CDK14: variants seen among roughly 807,000 people sequenced by gnomAD.
The protein encoded by CDK14 is cyclin dependent kinase 14.
CDK14 carries 34 observed loss-of-function variants against 60.7 expected under a neutral mutation model. The observed-to-expected ratio is 0.56, with a 90% CI of 0.43 to 0.75. The LOEUF is 0.75. Among genes scored for constraint, CDK14 ranks in the 30% least tolerant of loss-of-function variants. The pLI is 0.00. For synonymous variants in CDK14, 197 were observed against 203.7 expected (o/e 0.97, Z 0.28); for missense variants, 482 against 564.1 (o/e 0.85, Z 1.47).
chr7:90,749,823 G>A (rs753659310), intron 4 of CDK14, among the ~76,000 whole-genome samples: 4 of 152,152 alleles, frequency 2.6e-5, no homozygotes, highest in Non-Finnish European at 4.4e-5. Flanking sequence ...TGGTGCTTGT[G>A]CCTGCTATCA....
At chr7:90,862,995 C>T (rs545941533) in intron 5 of CDK14, among the ~76,000 whole-genome samples, 180 bp from the exon 6 acceptor site, 2 of 152,262 alleles carry the variant, frequency 1.3e-5, no homozygotes, top group African/African-American at 4.8e-5. Context: ...GCCTGGGCAG[C>T]ATAGTGAGAC....
At chr7:90,718,916 T>G (rs1321061469) in intron 2 of CDK14, among the ~76,000 whole-genome samples, 1 of 152,312 alleles carries the variant, frequency 6.6e-6, no homozygotes, top group East Asian at 1.9e-4. Context: ...CATCTATCCT[T>G]AATAGCTGAA....
chr7:91,114,861 A>G lies in CDK14; in HGVS notation c.1294+2180A>G, dbSNP rs137856407. ...TACTTGTAAACATGTTTACAAAACAAAGAATTCCCAGACTTTGGAGACTTA... is the reference window on the plus strand; with the variant it reads ...TACTTGTAAACATGTTTACAAAACAGAGAATTCCCAGACTTTGGAGACTTA... On this transcript the variant is annotated intron_variant, in intron 13 of 14. Coordinates refer to ENST00000380050, the MANE Select transcript of CDK14 (RefSeq NM_001287135.2). Among the ~76,000 whole-genome samples the G allele has an allele frequency of 6.6e-4, 100 of 152,330 alleles. 1 individual carries two copies. Among genetic ancestry groups the G allele is most frequent in the Admixed American group, 2.2e-3 (34 of 15,294 alleles).
At chr7:91,058,137 G>A (rs1797648034) in intron 11 of CDK14, among the ~76,000 whole-genome samples, 1 of 152,066 alleles carries the variant, frequency 6.6e-6, no homozygotes, top group South Asian at 2.1e-4. Context: ...TTGTAAATTG[G>A]ATTCCTAGAT....
chr7:90,607,376 G>T (rs1799441399), intron 2 of CDK14, among the ~76,000 whole-genome samples: 1 of 152,168 alleles, frequency 6.6e-6, no homozygotes, highest in South Asian at 2.1e-4. Flanking sequence ...GAGCTGGAAG[G>T]CTCCTTATTT....
At chr7:90,603,182 T>C (rs1799351324) in intron 1 of CDK14, among the ~76,000 whole-genome samples, 1 of 152,206 alleles carries the variant, frequency 6.6e-6, no homozygotes, top group African/African-American at 2.4e-5. Context: ...AATTAGCTAT[T>C]TAATGCATTC....
chr7:91,045,783 GAAAA>G, intron 10 of CDK14, 110 bp from the exon 11 acceptor site: 21 of 635,374 alleles, frequency 3.3e-5, no homozygotes, highest in Non-Finnish European at 4.7e-5. Flanking sequence ...TACGATAATG[GAAAA>G]AAAAATACCA....
intron 14 of CDK14, among the ~76,000 whole-genome samples, chr7:91,147,586 T>C (rs1800695720): frequency 6.6e-6 from 1 of 152,230 alleles, no homozygotes; most frequent in Non-Finnish European, 1.5e-5. Flanking sequence ...TGGCGAGACA[T>C]GCCTTCTCTA....
chr7:90,945,338 A>G (rs764358892), intron 8 of CDK14, among the ~76,000 whole-genome samples: 1 of 152,192 alleles, frequency 6.6e-6, no homozygotes, highest in African/African-American at 2.4e-5. Context: ...TGGCTATTGT[A>G]TCAGGATTCT....
intron 3 of CDK14, among the ~76,000 whole-genome samples, chr7:90,741,125 T>TG (rs1803326839): frequency 5.3e-5 from 8 of 152,318 alleles, no homozygotes; most frequent in Admixed American, 5.2e-4. Context: ...TGTCCAGCTG[T>TG]GCAGATTGAG....
At chr7:91,182,432 T>C (rs1349764696) in intron 14 of CDK14, among the ~76,000 whole-genome samples, 1 of 152,036 alleles carries the variant, frequency 6.6e-6, no homozygotes, top group Non-Finnish European at 1.5e-5. Context: ...GTAAAATGTA[T>C]AGTTTCAAAG....
chr7:90,749,533 A>T (rs1803734613), intron 4 of CDK14, among the ~76,000 whole-genome samples: 1 of 152,056 alleles, frequency 6.6e-6, no homozygotes, highest in Non-Finnish European at 1.5e-5. Flanking sequence ...CCTCTGCTCC[A>T]CACCCAGGCA....
chr7:90,851,636 A>G (rs1232835449), intron 5 of CDK14, among the ~76,000 whole-genome samples: 2 of 152,090 alleles, frequency 1.3e-5, no homozygotes, highest in Non-Finnish European at 2.9e-5. Flanking sequence ...TCTTACCTAG[A>G]GGAATGTATG....
chr7:90,917,609 A>G lies in CDK14; in HGVS notation c.711A>G (p.Leu237=), dbSNP rs1257038873. Residue 237 remains leucine (L), a synonymous_variant, in exon 8 of 15, where the codon TTA becomes TTG. Transcript: ENST00000380050. ...GTCTCCTTATTTTTCAGTTGTTTTT[A>G]TTTCAGTTGCTGCGAGGTCTGTCTT... ...GLHPDNVKLF[L]FQLLRGLSYI... 6.2e-7 allele frequency: 1 copy of G among 1,611,942 alleles called. No individual in the cohort carries two copies. The highest frequency in any genetic ancestry group is 1.1e-5 in the South Asian group (1 of 90,794).
intron 14 of CDK14, among the ~76,000 whole-genome samples, chr7:91,148,766 T>A (rs1009022232): frequency 6.6e-6 from 1 of 152,156 alleles, no homozygotes; most frequent in African/African-American, 2.4e-5. Context: ...TTTGCAGTAT[T>A]ATTTTTTTTT....
chr7:91,125,889 G>A lies in CDK14; in HGVS notation c.*28+7681G>A, dbSNP rs551935317. 1.4e-4 allele frequency among the ~76,000 whole-genome samples: 21 copies of A among 152,204 alleles called. No individual in the cohort carries two copies. In the Middle Eastern group the frequency reaches 0.024, roughly 173 times the overall value. On this transcript the variant is annotated intron_variant, in intron 14 of 14. Coordinates refer to ENST00000380050, the MANE Select transcript of CDK14 (RefSeq NM_001287135.2). ...ATTGCTCTGGATTATCATTTTCAAT[G>A]CAATTAGTAAAATGCCCTCAATTAC...
intron 5 of CDK14, among the ~76,000 whole-genome samples, chr7:90,852,417 C>T (rs1790676685): frequency 6.6e-6 from 1 of 152,114 alleles, no homozygotes; most frequent in South Asian, 2.1e-4. Context: ...GTATGTATTC[C>T]TGTCTTGCTT....
chr7:91,040,407 TA>T (rs1381542295), intron 10 of CDK14, among the ~76,000 whole-genome samples: 1 of 152,164 alleles, frequency 6.6e-6, no homozygotes, highest in Non-Finnish European at 1.5e-5. Context: ...GACTTCTCAC[TA>T]AGGAGCTAGA....
intron 8 of CDK14, among the ~76,000 whole-genome samples, chr7:90,927,889 T>C (rs1185648921): frequency 6.6e-6 from 1 of 152,252 alleles, no homozygotes; most frequent in Non-Finnish European, 1.5e-5. Flanking sequence ...TAGTCCCATA[T>C]TTCTTGGCGG....
Sources: gnomAD v4.1 joint callset for allele counts (sites outside exome capture counted in the v4.1 genomes callset) on GRCh38, gnomAD v4.1.1 for gene constraint, MANE v1.5 for transcripts, NCBI Gene and HGNC (gene_info 2026-07-23, HGNC 2026-07-21) for gene names.